The following ENOX1 variants were observed in gnomAD, a reference collection of about 807,000 sequenced individuals.
The protein encoded by ENOX1 is ecto-NOX disulfide-thiol exchanger 1, also known as candidate growth-related and time keeping constitutive hydroquinone (NADH) oxidase.
ENOX1 carries 42 observed loss-of-function variants against 82.5 expected under a neutral mutation model. That is an observed-to-expected ratio of 0.51 (90% CI 0.40 to 0.66). The LOEUF (loss-of-function observed/expected upper bound fraction) is 0.66. ENOX1 is among the 30% of genes least tolerant of loss of function. The pLI is 0.00. For missense variants in ENOX1, 608 were observed against 811.6 expected (o/e 0.75, Z 3.05); for synonymous variants, 271 against 282.2 (o/e 0.96, Z 0.40).
At chr13:43,772,137 G>A (rs1951669495) in intron 1 of ENOX1, among the ~76,000 whole-genome samples, 2 of 151,904 alleles carry the variant, frequency 1.3e-5, no homozygotes, top group Admixed American at 1.3e-4. Context: ...ATTTCCATCA[G>A]TTCCAAAGTT....
At chr13:43,488,688 CAGA>C (rs1447210449) in intron 2 of ENOX1, among the ~76,000 whole-genome samples, 1 of 152,130 alleles carries the variant, frequency 6.6e-6, no homozygotes, top group African/African-American at 2.4e-5. Context: ...TAAGAAGAAG[CAGA>C]AGACTAGAGA....
At position 43,681,481 on chromosome 13, in the gene ENOX1, T is replaced by C. The variant is rs189480937; in HGVS notation, c.-284-13937A>G. 3.6e-3 allele frequency among the ~76,000 whole-genome samples: 555 copies of C among 152,274 alleles called. 7 individuals are homozygous for C. Among genetic ancestry groups the C allele is most frequent in the African/African-American group, 0.012 (503 of 41,560 alleles). The stretch of plus-strand genomic sequence containing the variant: ...ATGGCAGATATTTAAATTTTTCTCT[T>C]GGGAAGAAAATCTTGAGAATTTTTT... On this transcript the variant is annotated intron_variant, in intron 1 of 16. Transcript: ENST00000690772.
chr13:43,781,594 A>C (rs888555028), intron 1 of ENOX1, among the ~76,000 whole-genome samples: 1 of 151,718 alleles, frequency 6.6e-6, no homozygotes, highest in Non-Finnish European at 1.5e-5. Context: ...GCTCACTGCA[A>C]CCTCTGCCTC....
intron 9 of ENOX1, among the ~76,000 whole-genome samples, chr13:43,343,330 T>C (rs1398191339): frequency 6.6e-6 from 1 of 152,206 alleles, no homozygotes; most frequent in Non-Finnish European, 1.5e-5. Flanking sequence ...CACTCTTAAG[T>C]AAAGGGCCAT....
At chr13:43,439,065 G>A (rs148140936) in intron 3 of ENOX1, among the ~76,000 whole-genome samples, 2,382 of 94,268 alleles carry the variant, frequency 0.025, 37 homozygotes, top group Admixed American at 0.051. Flanking sequence ...TTTTTTGAGC[G>A]GAGTTTCATG....
Position 43,602,757 on chromosome 13 carries a change from G to GA in ENOX1, c.-219+64721dup, listed in dbSNP as rs1208866360. ...ATTCACTACAGCATCATATGTAACT[G>GA]AAAAAAAAGGATAGGGCAATCTAAG... On this transcript the variant is annotated intron_variant, in intron 2 of 16. Coordinates refer to ENST00000690772, the MANE Select transcript of ENOX1 (RefSeq NM_001347969.2). 5.3e-5 allele frequency among the ~76,000 whole-genome samples: 8 copies of GA among 151,376 alleles called. No homozygotes were observed. The South Asian group carries it at 1.3e-3, about 24-fold the overall frequency.
rs137977050 is a variant in ENOX1, at chr13:43,378,545, C to G, written c.209-17093G>C. ...TTCTCATCAGTTAGAGTAGAAAAGC[C>G]TCATAATTCATGATGTTATTGGGTA... On this transcript the variant is annotated intron_variant, in intron 5 of 16. Coordinates refer to ENST00000690772, the MANE Select transcript of ENOX1 (RefSeq NM_001347969.2). Among the ~76,000 whole-genome samples, 138 of 152,250 alleles carry G rather than the reference C, an allele frequency of 9.1e-4. 1 individual carries two copies. Among genetic ancestry groups the G allele is most frequent in the African/African-American group, 3.2e-3 (133 of 41,546 alleles).
intron 3 of ENOX1, among the ~76,000 whole-genome samples, chr13:43,453,650 C>T (rs111336407): frequency 2.6e-4 from 40 of 152,206 alleles, no homozygotes; most frequent in African/African-American, 6.3e-4. Flanking sequence ...CACTATTATC[C>T]GGGGTCCCTC....
At chr13:43,750,699 G>C (rs1950266879) in intron 1 of ENOX1, among the ~76,000 whole-genome samples, 1 of 152,270 alleles carries the variant, frequency 6.6e-6, no homozygotes, top group Non-Finnish European at 1.5e-5. Context: ...AGACAGGAGA[G>C]AAACCCAGAA....
chr13:43,216,227 G>A (rs1299974638), intron 16 of ENOX1, among the ~76,000 whole-genome samples: 3 of 152,150 alleles, frequency 2.0e-5, no homozygotes, highest in African/African-American at 7.2e-5. Context: ...AGCCAGACAA[G>A]CTTGGATTTT....
chr13:43,267,519 C>G (rs1336319511), intron 13 of ENOX1, among the ~76,000 whole-genome samples: 1 of 152,212 alleles, frequency 6.6e-6, no homozygotes, highest in African/African-American at 2.4e-5. Context: ...ATCTGCAGAG[C>G]AGGGTGTATC....
In ENOX1 at chr13:43,483,628, C is replaced by T. The variant is rs981225750; in HGVS notation, c.-75+381G>A. 3.3e-5 allele frequency among the ~76,000 whole-genome samples: 5 copies of T among 152,062 alleles called. No homozygotes were observed. The East Asian group carries it at 5.8e-4, about 18-fold the overall frequency. On this transcript the variant is annotated intron_variant, in intron 3 of 16. Transcript: ENST00000690772. ...TGACAAATTCAGTTTTGATTTTCAA[C>T]GTTTCAAAATATAATTTATCCACAA...
At chr13:43,440,904 A>G (rs1263682969) in intron 3 of ENOX1, among the ~76,000 whole-genome samples, 2 of 152,240 alleles carry the variant, frequency 1.3e-5, no homozygotes, top group Non-Finnish European at 1.5e-5. Context: ...GAAAGCAGTA[A>G]TAAGACACAT....
chr13:43,317,825 G>A (rs61951892), intron 11 of ENOX1, among the ~76,000 whole-genome samples: 51,156 of 151,214 alleles, frequency 0.34, 9,264 homozygotes, highest in Middle Eastern at 0.55. Flanking sequence ...CTAACACGGT[G>A]AAACCCCGTC....
intron 2 of ENOX1, among the ~76,000 whole-genome samples, chr13:43,557,731 G>A (rs866312447): frequency 1.3e-5 from 2 of 152,150 alleles, no homozygotes; most frequent in Non-Finnish European, 2.9e-5. Context: ...CCAGGCATTC[G>A]AGGTTGCAGT....
intron 2 of ENOX1, among the ~76,000 whole-genome samples, chr13:43,619,481 T>A (rs4334182): frequency 0.7 from 105,565 of 151,876 alleles, 37,202 homozygotes; most frequent in East Asian, 0.95. Context: ...TTTTTTCAAA[T>A]GCTTTTTTTT....
At chr13:43,331,487 A>C (rs2048405600) in intron 9 of ENOX1, among the ~76,000 whole-genome samples, 1 of 152,188 alleles carries the variant, frequency 6.6e-6, no homozygotes, top group South Asian at 2.1e-4. Flanking sequence ...TCTGCAGGGT[A>C]CACAGGACAT....
At chr13:43,723,338 TTAAAACCAAAATC>T (rs2088702747) in intron 1 of ENOX1, among the ~76,000 whole-genome samples, 2 of 152,274 alleles carry the variant, frequency 1.3e-5, no homozygotes, top group African/African-American at 4.8e-5. Context: ...CAGAACGTGA[TTAAAACCAAAATC>T]TGTAAAAGCA....
At chr13:43,509,699 C>A (rs534301015) in intron 2 of ENOX1, among the ~76,000 whole-genome samples, 1 of 152,212 alleles carries the variant, frequency 6.6e-6, no homozygotes, top group South Asian at 2.1e-4. Flanking sequence ...CATTCATCTT[C>A]AAATTTCCTT....
Sources: allele counts gnomAD v4.1 joint callset (sites outside exome capture counted in the v4.1 genomes callset), GRCh38; gene constraint gnomAD v4.1.1; transcripts MANE v1.5; gene names NCBI Gene and HGNC (gene_info 2026-07-23, HGNC 2026-07-21).